Variants in SMURF2 observed in about 807,000 individuals in gnomAD.
SMURF2 encodes E3 ubiquitin-protein ligase SMURF2.
A neutral mutation model predicts 109.6 loss-of-function variants in SMURF2; 48 were observed. That is an observed-to-expected ratio of 0.44 (90% CI 0.35 to 0.56). The LOEUF (loss-of-function observed/expected upper bound fraction) is 0.56, where lower values mean the gene tolerates loss of function less well. SMURF2 is among the 20% of genes least tolerant of loss of function. SMURF2 has a pLI of 0.01. For synonymous variants in SMURF2, 288 were observed against 317.1 expected (o/e 0.91, Z 0.97); for missense variants, 575 against 909.0 (o/e 0.63, Z 4.72).
intron 1 of SMURF2, among the ~76,000 whole-genome samples, chr17:64,644,411 C>T (rs1318497112): frequency 2.7e-5 from 4 of 147,308 alleles, no homozygotes; most frequent in Non-Finnish European, 5.9e-5. Context: ...ACATCAGAAC[C>T]TCATCTCTAC....
intron 1 of SMURF2, among the ~76,000 whole-genome samples, chr17:64,624,176 T>G (rs775085666): frequency 3.3e-5 from 5 of 152,120 alleles, no homozygotes; most frequent in Non-Finnish European, 7.4e-5. Context: ...TCCTTCAACC[T>G]TAATACGATA....
intron 4 of SMURF2, 84 bp downstream of exon 4, chr17:64,593,356 C>T (rs1598285768): frequency 8.7e-7 from 1 of 1,153,934 alleles, no homozygotes; most frequent in African/African-American, 1.6e-5. Context: ...ATATATAGTG[C>T]ATGTATATAT....
At chr17:64,550,523 T>TAATC (rs1969027827) in intron 16 of SMURF2, among the ~76,000 whole-genome samples, 1 of 152,216 alleles carries the variant, frequency 6.6e-6, no homozygotes. Context: ...CTCACACCTG[T>TAATC]AATCCCAGCA....
intron 9 of SMURF2, chr17:64,573,125 A>AGAGGAGGAGGAGGAG (rs372553868): frequency 2.4e-5 from 1 of 42,258 alleles, no homozygotes; most frequent in Non-Finnish European, 3.8e-5. Context: ...ATTAAAAAAA[A>AGAGGAGGAGGAGGAG]GAGGAGGAGG....
intron 10 of SMURF2, 32 bp from the exon 11 acceptor site, chr17:64,562,998 T>C (rs1555684680): frequency 2.0e-6 from 3 of 1,535,008 alleles, no homozygotes; most frequent in South Asian, 1.2e-5. Flanking sequence ...ATTATTAAAG[T>C]ATATCAAATT....
At chr17:64,656,578 A>G (rs1970708485) in intron 1 of SMURF2, among the ~76,000 whole-genome samples, 1 of 152,212 alleles carries the variant, frequency 6.6e-6, no homozygotes, top group Non-Finnish European at 1.5e-5. Flanking sequence ...AGCAGCCTAA[A>G]GGAAAAATTA....
chr17:64,661,979 C>T lies in SMURF2; in HGVS notation c.-99G>A, dbSNP rs1568214913. The stretch of plus-strand genomic sequence containing the variant: ...GCGGCCGGGGCTGGGGCCCGAGCAG[C>T]CGGCGCCTCGGCCGCCACGGCCGGA... On this transcript the variant is annotated 5_prime_UTR_variant, in exon 1 of 19. Transcript: ENST00000262435. 4 of 1,114,794 alleles carry T rather than the reference C, an allele frequency of 3.6e-6. No individual in the cohort carries two copies. Among genetic ancestry groups the T allele is most frequent in the Non-Finnish European group, 3.3e-6 (3 of 913,636 alleles). The allele number at this position is 1,114,794 out of a possible 1,614,324, so 69.1% of individuals were successfully genotyped here.
chr17:64,603,756 A>G (rs1333334635), intron 2 of SMURF2, among the ~76,000 whole-genome samples: 2 of 152,150 alleles, frequency 1.3e-5, no homozygotes, highest in African/African-American at 2.4e-5. Context: ...TTAAAAGCCA[A>G]TAAGCTTGAA....
In SMURF2 at chr17:64,542,887, A is replaced by T. The variant is rs1555682731; in HGVS notation, c.*2961T>A. The T allele has an allele frequency of 6.6e-6, 1 of 152,228 alleles. No individual in the cohort carries two copies. Among genetic ancestry groups the T allele is most frequent in the Admixed American group, 6.5e-5 (1 of 15,282 alleles). The allele number at this position is 152,228 out of a possible 1,614,324, so 9.4% of individuals were successfully genotyped here. The stretch of plus-strand genomic sequence containing the variant: ...ACAAAATGTACACTATACACTATAC[A>T]CTATGCACTATTTAAAAACTACACC... On this transcript the variant is annotated 3_prime_UTR_variant, in exon 19 of 19. Transcript: ENST00000262435.
intron 16 of SMURF2, among the ~76,000 whole-genome samples, chr17:64,550,990 AT>A (rs1399271210): frequency 6.6e-6 from 1 of 152,192 alleles, no homozygotes; most frequent in Non-Finnish European, 1.5e-5. Context: ...AAGAATGTAC[AT>A]ATAAGTCACG....
chr17:64,577,436 G>C (rs1969509560), intron 9 of SMURF2, among the ~76,000 whole-genome samples: 1 of 151,928 alleles, frequency 6.6e-6, no homozygotes, highest in South Asian at 2.1e-4. Context: ...GATAGCATTA[G>C]GATATATACC....
chr17:64,630,116 G>A (rs1404014599), intron 1 of SMURF2, among the ~76,000 whole-genome samples: 3 of 151,936 alleles, frequency 2.0e-5, no homozygotes, highest in Non-Finnish European at 4.4e-5. Flanking sequence ...CACGCCTGTA[G>A]TCCCAGCTAC....
At chr17:64,637,923 CAAA>C (rs59701513) in intron 1 of SMURF2, among the ~76,000 whole-genome samples, 14 of 72,546 alleles carry the variant, frequency 1.9e-4, no homozygotes, top group Admixed American at 4.0e-4. Context: ...GCGCCCTAGT[CAAA>C]AAAAAAAAAA....
At chr17:64,546,177 T>C (rs1968951681) in intron 18 of SMURF2, 86 bp downstream of exon 18, 9 of 1,291,452 alleles carry the variant, frequency 7.0e-6, no homozygotes, top group Non-Finnish European at 1.0e-5. Context: ...TTAACACTAG[T>C]AAGTACAATA....
chr17:64,653,925 C>A (rs1598319005), intron 1 of SMURF2, among the ~76,000 whole-genome samples: 1 of 152,150 alleles, frequency 6.6e-6, no homozygotes, highest in African/African-American at 2.4e-5. Context: ...TACTGATACC[C>A]AGCATGAATG....
At position 64,662,048 on chromosome 17, in the gene SMURF2, G is replaced by C. The variant is rs1293727980; in HGVS notation, c.-168C>G. 3.6e-6 allele frequency: 4 copies of C among 1,113,898 alleles called. No individual in the cohort carries two copies. Among genetic ancestry groups the C allele is most frequent in the Non-Finnish European group, 2.2e-6 (2 of 912,632 alleles). 69.0% of individuals were successfully genotyped at this position (1,113,898 alleles called of 1,614,324 possible). On this transcript the variant is annotated 5_prime_UTR_variant, in exon 1 of 19. Coordinates refer to ENST00000262435, the MANE Select transcript of SMURF2 (RefSeq NM_022739.4). ...GAGTCGTCGCCATGAGCCGCGGAGGGAGCGGGACGCCGAGCTCCCCCCTCC... is the reference window on the plus strand; with the variant it reads ...GAGTCGTCGCCATGAGCCGCGGAGGCAGCGGGACGCCGAGCTCCCCCCTCC...
intron 10 of SMURF2, among the ~76,000 whole-genome samples, chr17:64,563,697 C>G (rs1969259192): frequency 6.6e-6 from 1 of 152,170 alleles, no homozygotes; most frequent in Non-Finnish European, 1.5e-5. Context: ...TGACATACAT[C>G]AGGCAATGAA....
At chr17:64,602,817 A>C (rs1439172872) in intron 2 of SMURF2, among the ~76,000 whole-genome samples, 2 of 152,062 alleles carry the variant, frequency 1.3e-5, no homozygotes, top group African/African-American at 4.8e-5. Context: ...AGTCCCAGCT[A>C]CTCAGGAGGC....
chr17:64,591,493 A>G (rs1969751107), intron 4 of SMURF2, among the ~76,000 whole-genome samples: 2 of 152,226 alleles, frequency 1.3e-5, no homozygotes, highest in South Asian at 2.1e-4. Context: ...TGCCTGGCAC[A>G]TAAGTGGTCA....
Sources: gnomAD v4.1 joint callset for allele counts (sites outside exome capture counted in the v4.1 genomes callset) on GRCh38, gnomAD v4.1.1 for gene constraint, MANE v1.5 for transcripts, NCBI Gene and HGNC (gene_info 2026-07-23, HGNC 2026-07-21) for gene names.